Variants in KRT8 observed in about 807,000 individuals in gnomAD.
The protein encoded by KRT8 is keratin, type II cytoskeletal 8.
In KRT8, 24 loss-of-function variants were observed where a neutral mutation model predicts 43.0. That is an observed-to-expected ratio of 0.56 (90% confidence interval 0.40 to 0.78). The LOEUF (loss-of-function observed/expected upper bound fraction) is 0.78. KRT8 is among the 30% of genes least tolerant of loss of function. The pLI, the probability that KRT8 is intolerant of heterozygous loss-of-function variation, is 0.00. For synonymous variants in KRT8, 214 were observed against 261.2 expected, an observed-to-expected ratio of 0.82 and a Z score of 1.74; for missense variants, 492 against 638.4, an observed-to-expected ratio of 0.77 and a Z score of 2.47.
intron 2 of KRT8, among the ~76,000 whole-genome samples, chr12:52,924,423 TG>T (rs1304740147): frequency 6.8e-6 from 1 of 146,492 alleles, no homozygotes; most frequent in African/African-American, 2.6e-5. Context: ...CACTCCAGCC[TG>T]GGCGACAGAG....
intron 2 of KRT8, among the ~76,000 whole-genome samples, chr12:52,915,782 A>G (rs1233989963): frequency 6.6e-6 from 1 of 152,190 alleles, no homozygotes. Context: ...GATGTTCACT[A>G]CATATGCTAA....
rs545020896 is a variant in KRT8 at position 52,897,412 on chromosome 12, G to A, written c.*16C>T. The A allele has an allele frequency of 1.1e-5, 18 of 1,596,322 alleles. No homozygotes were observed. The East Asian group carries it at 3.8e-4, about 34-fold the overall frequency. ...CAGCGCAGGAGGGGTAGGCTGGGAG[G>A]GGCTGCCGCAGCTGTTCACTTGGGC... On this transcript the variant is annotated 3_prime_UTR_variant, in exon 8 of 8. Coordinates refer to ENST00000692008, the Ensembl canonical transcript of KRT8.
chr12:52,903,812 T>C (rs902139297), intron 1 of KRT8, among the ~76,000 whole-genome samples: 1 of 151,850 alleles, frequency 6.6e-6, no homozygotes, highest in African/African-American at 2.4e-5. Flanking sequence ...GAATCCTGCA[T>C]GGGCTTTCCG....
chr12:52,903,702 C>G (rs1401305668), intron 1 of KRT8: 1 of 152,442 alleles, frequency 6.6e-6, no homozygotes, highest in Admixed American at 6.5e-5. Context: ...GGGACACGGG[C>G]TGAATGGGCG....
chr12:52,925,305 G>A (rs1272008287), intron 2 of KRT8, among the ~76,000 whole-genome samples: 1 of 152,180 alleles, frequency 6.6e-6, no homozygotes, highest in Non-Finnish European at 1.5e-5. Context: ...TCCTTCCTCT[G>A]AATAGCTGGG....
At chr12:52,897,481 C>T in exon 8 of KRT8, 8 of 1,599,374 alleles carry the variant, frequency 5.0e-6, no homozygotes, top group Non-Finnish European at 6.8e-6. Flanking sequence ...TCACGTGTCT[C>T]GATCTTCTTC....
At chr12:52,915,062 A>G (rs1941708104) in intron 2 of KRT8, among the ~76,000 whole-genome samples, 1 of 152,074 alleles carries the variant, frequency 6.6e-6, no homozygotes, top group Admixed American at 6.6e-5. Flanking sequence ...CACCCAACCT[A>G]TAGAGAAAGG....
At chr12:52,939,685 G>A (rs557356530) in intron 2 of KRT8, among the ~76,000 whole-genome samples, 32 of 149,180 alleles carry the variant, frequency 2.1e-4, no homozygotes, top group African/African-American at 7.2e-4. Flanking sequence ...TCAGGCCATA[G>A]AACTCCAGCC....
chr12:52,899,816 T>C (rs1941318102), exon 5 of KRT8: 6 of 1,612,034 alleles, frequency 3.7e-6, no homozygotes, highest in Non-Finnish European at 5.1e-6. Context: ...AGCCGGCTGA[T>C]GTTCCGGTTC....
intron 2 of KRT8, chr12:52,949,411 G>A (rs199572098): frequency 3.7e-6 from 6 of 1,612,444 alleles, no homozygotes; most frequent in South Asian, 1.1e-5. Flanking sequence ...CATCCAGAAC[G>A]AGAAGGAGAC....
chr12:52,907,962 A>C (rs1034684858), upstream of KRT8, among the ~76,000 whole-genome samples: 2 of 152,172 alleles, frequency 1.3e-5, no homozygotes, highest in Non-Finnish European at 2.9e-5. Flanking sequence ...TGCCGGACAA[A>C]AGGGAACAAC....
chr12:52,915,545 T>C (rs556516642), intron 2 of KRT8, among the ~76,000 whole-genome samples: 1 of 151,008 alleles, frequency 6.6e-6, no homozygotes, highest in South Asian at 2.1e-4. Flanking sequence ...CCATCTGTAC[T>C]AAAAATACAA....
At chr12:52,902,162 T>C in intron 1 of KRT8, 90 bp from the exon 2 acceptor site, 1 of 808,798 alleles carries the variant, frequency 1.2e-6, no homozygotes, top group Non-Finnish European at 2.1e-6. Flanking sequence ...CTTAATTCAC[T>C]CCTCAAGCAG....
chr12:52,901,077 G>T, intron 3 of KRT8, 82 bp downstream of exon 3: 1 of 1,026,432 alleles, frequency 9.7e-7, no homozygotes, highest in Non-Finnish European at 1.6e-6. Context: ...AATATTTAGG[G>T]ACAAAACCCA....
chr12:52,911,363 A>G (rs200692179), upstream of KRT8, among the ~76,000 whole-genome samples: 1 of 148,584 alleles, frequency 6.7e-6, no homozygotes, highest in African/African-American at 2.5e-5. Context: ...AAAAAAAAAG[A>G]AAAGTGGCCA....
Position 52,921,794 on chromosome 12 carries a change from G to A in KRT8, c.-46-16767C>T, listed in dbSNP as rs72648109. ...CTAGCAGTTTCCTTAAGGTGGTAAA[G>A]CTTTTAATTCTTACAGAAACTATAA... On this transcript the variant is annotated intron_variant, in intron 2 of 6. Transcript: ENST00000546826. 1.6e-3 allele frequency among the ~76,000 whole-genome samples: 248 copies of A among 152,240 alleles called. No homozygotes were observed. In the East Asian group the frequency reaches 0.041, roughly 25 times the overall value.
intron 7 of KRT8, 120 bp from the exon 8 acceptor site, chr12:52,897,738 C>A: frequency 7.3e-7 from 1 of 1,376,792 alleles, no homozygotes; most frequent in Non-Finnish European, 1.0e-6. Context: ...CCCAGCTCTG[C>A]CTGATCAGTG....
chr12:52,933,681 A>G (rs1270255939), intron 2 of KRT8, among the ~76,000 whole-genome samples: 3 of 151,812 alleles, frequency 2.0e-5, no homozygotes, highest in Non-Finnish European at 4.4e-5. Flanking sequence ...CTGAAGCGCA[A>G]TGGGACAGTC....
intron 2 of KRT8, among the ~76,000 whole-genome samples, chr12:52,922,160 G>C (rs190465473): frequency 9.0e-4 from 107 of 119,368 alleles, no homozygotes; most frequent in African/African-American, 3.4e-3. Flanking sequence ...AATGGCACTG[G>C]GTGACAGAGT....
Sources: allele counts gnomAD v4.1 joint callset (sites outside exome capture counted in the v4.1 genomes callset), GRCh38; gene constraint gnomAD v4.1.1; transcripts MANE v1.5; gene names NCBI Gene and HGNC (gene_info 2026-07-23, HGNC 2026-07-21).